DMD: variants seen among roughly 807,000 people sequenced by gnomAD.
DMD encodes the protein dystrophin.
A neutral mutation model predicts 330.1 loss-of-function variants in DMD; 63 were observed. The ratio of observed to expected loss-of-function variants is 0.19; its 90% CI spans 0.16 to 0.24. The LOEUF (loss-of-function observed/expected upper bound fraction) is 0.24, where lower values mean the gene tolerates loss of function less well. Ranked by LOEUF, DMD falls within the 10% of genes least tolerant of loss-of-function variation. DMD has a pLI of 1.00. For synonymous variants in DMD, 1,223 were observed against 959.8 expected, an observed-to-expected ratio of 1.27 and a Z score of -5.07; for missense variants, 3,344 against 2,684.1, an observed-to-expected ratio of 1.25 and a Z score of -5.43.
chrX:32,676,289 C>G (rs1373923813), intron 9 of DMD, among the ~76,000 whole-genome samples: 1 of 111,314 alleles, frequency 9.0e-6, no homozygotes, highest in Admixed American at 9.6e-5. Context: ...TTATGTAGCA[C>G]TTGCTCTTGT....
chrX:32,911,669 A>G (rs1055992515), intron 2 of DMD, among the ~76,000 whole-genome samples: 3 of 111,775 alleles, frequency 2.7e-5, no homozygotes, highest in Non-Finnish European at 3.8e-5. Flanking sequence ...AAACAATTTT[A>G]TACTCAACAG....
At chrX:31,280,004 A>C (rs1253715154) in intron 62 of DMD, among the ~76,000 whole-genome samples, 1 of 112,364 alleles carries the variant, frequency 8.9e-6, no homozygotes, top group East Asian at 2.8e-4. Context: ...TAAGCCAGTA[A>C]GTTTTGGGGT....
At chrX:32,158,734 G>A (rs1603627362) in intron 44 of DMD, among the ~76,000 whole-genome samples, 1 of 111,743 alleles carries the variant, frequency 8.9e-6, no homozygotes, top group East Asian at 2.8e-4. Flanking sequence ...CCTGTCCTCA[G>A]GAAGCTTTCA....
intron 2 of DMD, among the ~76,000 whole-genome samples, chrX:32,899,978 A>C (rs986235212): frequency 5.4e-5 from 6 of 111,673 alleles, no homozygotes; most frequent in Admixed American, 9.6e-5. Flanking sequence ...TTGTTGATAA[A>C]AAAAAGAAAG....
At chrX:31,367,978 A>G (rs759055440) in intron 60 of DMD, among the ~76,000 whole-genome samples, 2 of 111,957 alleles carry the variant, frequency 1.8e-5, no homozygotes, top group Admixed American at 1.9e-4. Flanking sequence ...TGTAGCAAAT[A>G]TGTCTGGTGC....
At chrX:33,188,666 T>TG (rs2148775171) in intron 1 of DMD, among the ~76,000 whole-genome samples, 1 of 112,131 alleles carries the variant, frequency 8.9e-6, no homozygotes, top group East Asian at 2.8e-4. Context: ...AAAGCTGTTT[T>TG]ATTTGACAGG....
rs2052980453 is a variant in DMD at position 31,284,591 on chromosome X, TTCTTC to T, written c.9225-23580_9225-23576del. 4.0e-5 allele frequency among the ~76,000 whole-genome samples: 4 copies of T among 101,200 alleles called. No individual in the cohort carries two copies. In the South Asian group the frequency reaches 1.9e-3, roughly 47 times the overall value. The allele number at this position is 101,200 out of a possible 115,157, so 87.9% of individuals were successfully genotyped here. ...CTTCTTCTTCTTCTTCTTCTTCTTC[TTCTTC>T]TTCTTCTTCTTTTTTTTGGCAGAGG... On this transcript the variant is annotated intron_variant, in intron 62 of 78. Transcript: ENST00000357033.
chrX:32,362,982 G>A, intron 36 of DMD, 24 bp from the exon 37 acceptor site: 1 of 1,189,739 alleles, frequency 8.4e-7, no homozygotes, highest in African/African-American at 1.7e-5. Context: ...GCAAGAGATA[G>A]GACTTGAAGT....
rs771970628 is a variant in DMD, at chrX:31,364,136, T to C, written c.9085-15502A>G. ...TGACACAGAGTCTAGAAGATCTGCA[T>C]TGTGATCTGATGGCTTCCCTTGTTC... On this transcript the variant is annotated intron_variant, in intron 60 of 78. Transcript: ENST00000357033. 1.2e-3 allele frequency among the ~76,000 whole-genome samples: 131 copies of C among 112,882 alleles called. 2 individuals are homozygous for C. Among genetic ancestry groups the C allele is most frequent in the African/African-American group, 4.1e-3 (127 of 31,145 alleles).
At chrX:31,795,005 T>C (rs772557124) in intron 50 of DMD, among the ~76,000 whole-genome samples, 8 of 112,247 alleles carry the variant, frequency 7.1e-5, no homozygotes, top group African/African-American at 9.7e-5. Flanking sequence ...AAATATTAAC[T>C]GGGTACCTTT....
chrX:31,865,769 A>C (rs2093788394), intron 48 of DMD, among the ~76,000 whole-genome samples: 1 of 98,294 alleles, frequency 1.0e-5, no homozygotes, highest in Non-Finnish European at 2.1e-5. Flanking sequence ...ATTGGTTTAG[A>C]ACATGGAAAA....
At chrX:32,286,147 T>C (rs1181560043) in intron 43 of DMD, among the ~76,000 whole-genome samples, 1 of 111,221 alleles carries the variant, frequency 9.0e-6, no homozygotes, top group Non-Finnish European at 1.9e-5. Context: ...AAATAAAACA[T>C]AGCCCTTTTC....
intron 1 of DMD, among the ~76,000 whole-genome samples, chrX:33,036,914 C>T (rs1261007085): frequency 9.1e-6 from 1 of 110,007 alleles, no homozygotes; most frequent in African/African-American, 3.3e-5. Flanking sequence ...CCTTCAACTG[C>T]GAGATATAAA....
At chrX:32,544,061 G>A (rs968188470) in intron 17 of DMD, among the ~76,000 whole-genome samples, 5 of 111,056 alleles carry the variant, frequency 4.5e-5, no homozygotes, top group African/African-American at 1.3e-4. Flanking sequence ...ACACTTCTTG[G>A]CTGATGAGCC....
chrX:32,329,271 T>A (rs1164571223), intron 41 of DMD, among the ~76,000 whole-genome samples: 1 of 112,364 alleles, frequency 8.9e-6, no homozygotes, highest in East Asian at 2.8e-4. Context: ...AAGGATAGAA[T>A]GGATGTGGCG....
chrX:32,170,875 C>T (rs950980415), intron 44 of DMD, among the ~76,000 whole-genome samples: 1 of 111,213 alleles, frequency 9.0e-6, no homozygotes, highest in Non-Finnish European at 1.9e-5. Flanking sequence ...GGCTGAGAAC[C>T]ACTGTATTAG....
chrX:32,306,113 G>T (rs893522636), intron 42 of DMD, among the ~76,000 whole-genome samples: 5 of 102,835 alleles, frequency 4.9e-5, no homozygotes, highest in Non-Finnish European at 6.0e-5. Context: ...ATTTTTCTTT[G>T]TTTGCTTGCT....
chrX:31,122,560 A>C (rs891557779), intron 78 of DMD, among the ~76,000 whole-genome samples: 2 of 111,327 alleles, frequency 1.8e-5, no homozygotes, highest in Admixed American at 1.9e-4. Flanking sequence ...GGGTTGAAAA[A>C]TAATAATAAT....
At chrX:32,679,902 CTTTTT>C (rs766270656) in intron 9 of DMD, among the ~76,000 whole-genome samples, 18 of 23,581 alleles carry the variant, frequency 7.6e-4, no homozygotes, top group South Asian at 3.7e-3. Flanking sequence ...AATATTTGTA[CTTTTT>C]TTTTTTTTTT....
Sources: allele counts gnomAD v4.1 joint callset (sites outside exome capture counted in the v4.1 genomes callset), GRCh38; gene constraint gnomAD v4.1.1; transcripts MANE v1.5; gene names NCBI Gene and HGNC (gene_info 2026-07-23, HGNC 2026-07-21).